ADA2: variants seen among roughly 807,000 people sequenced by gnomAD.
The protein encoded by ADA2 is adenosine deaminase CECR1.
Under a neutral mutation model 44.2 loss-of-function variants are expected in ADA2, and 29 were observed. That is an observed-to-expected ratio of 0.66 (90% CI 0.49 to 0.89). The LOEUF is 0.89. Among genes scored for constraint, ADA2 ranks in the 40% least tolerant of loss-of-function variants. ADA2 has a pLI of 0.00. For missense variants in ADA2, 637 were observed against 644.8 expected, an observed-to-expected ratio of 0.99 and a Z score of 0.13; for synonymous variants, 215 against 234.9, an observed-to-expected ratio of 0.92 and a Z score of 0.77.
chr22:17,219,040 A>T (rs1484350714), intron 1 of ADA2, among the ~76,000 whole-genome samples: 4 of 152,238 alleles, frequency 2.6e-5, no homozygotes, highest in Middle Eastern at 3.4e-3. Flanking sequence ...GCCTGTAATC[A>T]CAGCTATTAG....
At chr22:17,215,626 G>T (rs938377848) in intron 1 of ADA2, among the ~76,000 whole-genome samples, 7 of 150,148 alleles carry the variant, frequency 4.7e-5, no homozygotes, top group African/African-American at 1.5e-4. Context: ...AAAGAAAAAA[G>T]AAATCACGTC....
At chr22:17,205,683 A>G (rs967847402) in intron 3 of ADA2, among the ~76,000 whole-genome samples, 2 of 152,198 alleles carry the variant, frequency 1.3e-5, no homozygotes, top group African/African-American at 4.8e-5. Context: ...TTATAATATT[A>G]CTATACAATG....
intron 4 of ADA2, among the ~76,000 whole-genome samples, chr22:17,196,916 T>C (rs1390134435): frequency 6.6e-6 from 1 of 152,228 alleles, no homozygotes; most frequent in Non-Finnish European, 1.5e-5. Context: ...CTTATGCCTG[T>C]AATCCCAGCA....
At chr22:17,182,494 T>G in intron 8 of ADA2, 110 bp downstream of exon 8, 1 of 1,081,706 alleles carries the variant, frequency 9.2e-7, no homozygotes, top group East Asian at 2.4e-5. Flanking sequence ...TGGAGGGATG[T>G]AGGTAACAAG....
chr22:17,216,067 A>G (rs567775248), intron 1 of ADA2, among the ~76,000 whole-genome samples: 12 of 152,152 alleles, frequency 7.9e-5, no homozygotes, highest in East Asian at 3.9e-4. Flanking sequence ...TGCACCTGTA[A>G]TCCCAACTAC....
chr22:17,188,868 A>AAAAAAAAAAAAAAAAAAAAAAAAATATAT, intron 6 of ADA2: 7 of 81,178 alleles, frequency 8.6e-5, no homozygotes, highest in African/African-American at 1.3e-4. Context: ...AAGAGCAAAA[A>AAAAAAAAAAAAAAAAAAAAAAAAATATAT]ATATATATAT....
intron 5 of ADA2, 107 bp from the exon 6 acceptor site, chr22:17,190,139 C>T: frequency 1.2e-6 from 1 of 867,382 alleles, no homozygotes; most frequent in Non-Finnish European, 1.9e-6. Flanking sequence ...GTGTGCAGGT[C>T]CCGTTTCCCA....
chr22:17,205,373 C>G (rs111736973), intron 3 of ADA2, among the ~76,000 whole-genome samples: 7,174 of 152,118 alleles, frequency 0.047, 231 homozygotes, highest in Middle Eastern at 0.1. Context: ...CTCAGCCTCC[C>G]GAAGTGCTAG....
chr22:17,185,687 A>C (rs982997344), intron 7 of ADA2, among the ~76,000 whole-genome samples: 6 of 152,174 alleles, frequency 3.9e-5, no homozygotes, highest in Non-Finnish European at 8.8e-5. Context: ...CTCCTAGAGC[A>C]GACTTTGATC....
Position 17,181,870 on chromosome 22 carries a change from C to A in ADA2, c.1392G>T (p.Gly464=), listed in dbSNP as rs757028671. The A allele has an allele frequency of 1.2e-6, 2 of 1,613,624 alleles. No homozygotes were observed. Among genetic ancestry groups the A allele is most frequent in the Non-Finnish European group, 1.7e-6 (2 of 1,179,578 alleles). ...TGAGGGTCCTCAGGTCAGCCTTCAT[C>A]CCCCCAATGCCCATGAAGACCTCAT... ...DFYEVFMGIG[G]MKADLRTLKQ... The change falls in exon 9 of 10, where the codon GGG becomes GGT. Residue 464 remains glycine, a synonymous_variant. Coordinates refer to ENST00000399837, the MANE Select transcript of ADA2 (RefSeq NM_001282225.2).
rs362129 is a variant in ADA2 at position 17,209,519 on chromosome 22, G to A, written c.159C>T (p.Asn53=). Residue 53 remains asparagine, a synonymous_variant, in exon 2 of 10, where the codon AAC becomes AAT. Coordinates refer to ENST00000399837, the MANE Select transcript of ADA2 (RefSeq NM_001282225.2). ...TCTCATTGGCCAGCTCCTCCTTGGTGTTCAGCACCAGCCGCCCCCCCAGCC... is the reference window on the plus strand; with the variant it reads ...TCTCATTGGCCAGCTCCTCCTTGGTATTCAGCACCAGCCGCCCCCCCAGCC... ...MMRLGGRLVL[N]TKEELANERL... 798,104 of 1,613,674 alleles carry A rather than the reference G, an allele frequency of 0.49. 205,484 individuals carry two copies. The highest frequency in any genetic ancestry group is 0.54 in the Non-Finnish European group (632,020 of 1,179,898).
At chr22:17,210,971 T>C (rs1424777871) in intron 1 of ADA2, among the ~76,000 whole-genome samples, 1 of 152,024 alleles carries the variant, frequency 6.6e-6, no homozygotes, top group Non-Finnish European at 1.5e-5. Context: ...TTGAGCCCAG[T>C]ACTTTGAGGC....
At chr22:17,210,224 C>T (rs2062404781) in intron 1 of ADA2, among the ~76,000 whole-genome samples, 2 of 139,574 alleles carry the variant, frequency 1.4e-5, no homozygotes, top group South Asian at 4.7e-4. Flanking sequence ...GAGTTTCACT[C>T]TTGTTGCCTA....
In ADA2 at chr22:17,201,967, CTTTTTTTTTT is replaced by C. The variant is rs71200247; in HGVS notation, c.753+1586_753+1595del. ...AAAATCAAATTTTTTTTTCTTTTTT[CTTTTTTTTTT>C]TTTTTTTTTTTTGAGACGGAGTCTC... On this transcript the variant is annotated intron_variant, in intron 4 of 9. Transcript: ENST00000399837. Among the ~76,000 whole-genome samples the C allele has an allele frequency of 4.4e-3, 454 of 103,122 alleles. 2 individuals carry two copies. Among genetic ancestry groups the C allele is most frequent in the African/African-American group, 0.016 (424 of 26,206 alleles). The allele number at this position is 103,122 out of a possible 152,430, so 67.7% of individuals were successfully genotyped here. A position where few individuals can be genotyped will look rare whatever the true frequency, so the allele number is the denominator to read the frequency against.
upstream of ADA2, among the ~76,000 whole-genome samples, chr22:17,220,569 A>G (rs59146727): frequency 0.012 from 1,897 of 152,234 alleles, 43 homozygotes; most frequent in African/African-American, 0.044. Flanking sequence ...AGAAGTAACT[A>G]TTGGGATGCC....
Position 17,190,043 on chromosome 22 carries a change from G to A in ADA2, c.882-11C>T. 1 of 1,600,930 alleles carries A rather than the reference G, an allele frequency of 6.2e-7. No individual in the cohort carries two copies. Among genetic ancestry groups the A allele is most frequent in the Non-Finnish European group, 8.6e-7 (1 of 1,168,026 alleles). ...GCCACATCTTTGGATCTGTGAGACA[G>A]ACAGAGAAGCCAGGAGACAGTGCCC... On this transcript the variant is annotated splice_polypyrimidine_tract_variant and intron_variant, in intron 5 of 9. Coordinates refer to ENST00000399837, the MANE Select transcript of ADA2 (RefSeq NM_001282225.2).
At chr22:17,212,369 GTTC>G (rs949054445) in intron 1 of ADA2, among the ~76,000 whole-genome samples, 1 of 151,510 alleles carries the variant, frequency 6.6e-6, no homozygotes, top group African/African-American at 2.4e-5. Context: ...GGTCCAAGTA[GTTC>G]TTCTGCCTGA....
chr22:17,179,744 A>G lies in ADA2; in HGVS notation c.*1739T>C, dbSNP rs982995234. 2.0e-5 allele frequency: 3 copies of G among 152,334 alleles called. No homozygotes were observed. Among genetic ancestry groups the G allele is most frequent in the Non-Finnish European group, 4.4e-5 (3 of 68,124 alleles). The allele number at this position is 152,334 out of a possible 1,614,324, so 9.4% of individuals were successfully genotyped here. A position where few individuals can be genotyped will look rare whatever the true frequency, so the allele number is the denominator to read the frequency against. On this transcript the variant is annotated 3_prime_UTR_variant, in exon 10 of 10. Coordinates refer to ENST00000399837, the MANE Select transcript of ADA2 (RefSeq NM_001282225.2). ...AGGCGCCGGAATGGATCCAGATTAA[A>G]TCGGATGCTGTATGCCCTGTGGAGA...
intron 9 of ADA2, 115 bp downstream of exon 9, chr22:17,181,705 G>A: frequency 9.2e-7 from 1 of 1,086,854 alleles, no homozygotes; most frequent in Non-Finnish European, 1.4e-6. Context: ...AAACAGCCAT[G>A]ATGAGAAGGA....
Sources: allele counts gnomAD v4.1 joint callset (sites outside exome capture counted in the v4.1 genomes callset), GRCh38; gene constraint gnomAD v4.1.1; transcripts MANE v1.5; gene names NCBI Gene and HGNC (gene_info 2026-07-23, HGNC 2026-07-21).